PTCHD4: variants seen among roughly 807,000 people sequenced by gnomAD.
PTCHD4 encodes the protein patched domain-containing protein 4.
PTCHD4 carries 33 observed loss-of-function variants against 58.1 expected under a neutral mutation model. That is an observed-to-expected ratio of 0.57 (90% CI 0.43 to 0.76). The LOEUF (loss-of-function observed/expected upper bound fraction) is 0.76. Ranked by LOEUF, PTCHD4 falls within the 30% of genes least tolerant of loss-of-function variation. The probability of loss-of-function intolerance (pLI) is 0.00; values close to 1 mark genes in which losing one functional copy is unlikely to be tolerated. For missense variants in PTCHD4, 1,058 were observed against 1,027.1 expected (o/e 1.03, Z -0.41); for synonymous variants, 478 against 409.6 (o/e 1.17, Z -2.02).
chr6:48,007,237 C>T (rs1479172617), intron 4 of PTCHD4, among the ~76,000 whole-genome samples: 1 of 151,726 alleles, frequency 6.6e-6, no homozygotes, highest in African/African-American at 2.4e-5. Flanking sequence ...GAGACTCTGT[C>T]CCCCCAAAAA....
intron 4 of PTCHD4, among the ~76,000 whole-genome samples, chr6:47,931,025 T>C (rs1464097556): frequency 1.3e-5 from 2 of 152,218 alleles, no homozygotes; most frequent in African/African-American, 2.4e-5. Flanking sequence ...CCTCAGGTGA[T>C]CCACCCGCCT....
intron 3 of PTCHD4, among the ~76,000 whole-genome samples, chr6:48,052,421 A>G (rs1001338339): frequency 4.6e-5 from 7 of 152,004 alleles, no homozygotes; most frequent in Non-Finnish European, 8.8e-5. Context: ...CTTGTTTTAA[A>G]GAGAAATGAG....
intron 1 of PTCHD4, among the ~76,000 whole-genome samples, chr6:48,096,108 A>C (rs2113907128): frequency 6.6e-6 from 1 of 152,298 alleles, no homozygotes; most frequent in South Asian, 2.1e-4. Flanking sequence ...AGATAACCTA[A>C]ATTTTATAAT....
At chr6:48,047,329 C>A (rs189632060) in intron 3 of PTCHD4, among the ~76,000 whole-genome samples, 2 of 151,854 alleles carry the variant, frequency 1.3e-5, no homozygotes, top group East Asian at 1.9e-4. Flanking sequence ...GCTTTGATAA[C>A]CACAATGGTT....
At chr6:48,046,503 A>G (rs919707333) in intron 3 of PTCHD4, among the ~76,000 whole-genome samples, 11 of 151,958 alleles carry the variant, frequency 7.2e-5, no homozygotes, top group African/African-American at 2.6e-4. Context: ...ATTATTTTCT[A>G]CCTTTTAATG....
In PTCHD4 at chr6:48,057,718, G is replaced by T. The variant is rs557833034; in HGVS notation, c.417+10512C>A. Among the ~76,000 whole-genome samples the T allele has an allele frequency of 2.0e-5, 3 of 152,298 alleles. No homozygotes were observed. The East Asian group carries it at 5.8e-4, about 29-fold the overall frequency. ...GAAAGTTCAAGATGTGATTGTTTTT[G>T]TTTGTTGCAGCATTTGATGTAATGA... On this transcript the variant is annotated intron_variant, in intron 3 of 4. Transcript: ENST00000339488.
intron 1 of PTCHD4, among the ~76,000 whole-genome samples, chr6:48,093,604 T>C (rs973187014): frequency 6.6e-6 from 1 of 152,116 alleles, no homozygotes; most frequent in East Asian, 1.9e-4. Flanking sequence ...AGGTATAGGA[T>C]GGGAGAAATT....
intron 4 of PTCHD4, among the ~76,000 whole-genome samples, chr6:47,995,938 G>C (rs1379902205): frequency 6.6e-6 from 1 of 152,162 alleles, no homozygotes; most frequent in Non-Finnish European, 1.5e-5. Flanking sequence ...CTGTCGAATG[G>C]TAGAGGAATG....
At chr6:48,102,646 G>C (rs1466189845) in intron 1 of PTCHD4, among the ~76,000 whole-genome samples, 1 of 152,228 alleles carries the variant, frequency 6.6e-6, no homozygotes, top group Non-Finnish European at 1.5e-5. Flanking sequence ...CCATGCGTGA[G>C]CCGAAGCAGG....
rs186741159 is a variant in PTCHD4 at position 47,859,589 on chromosome 6, T to A, written c.*18714A>T. 1.2e-4 allele frequency among the ~76,000 whole-genome samples: 19 copies of A among 152,098 alleles called. No homozygotes were observed. Among genetic ancestry groups the A allele is most frequent in the African/African-American group, 4.6e-4 (19 of 41,530 alleles). On this transcript the variant is annotated 3_prime_UTR_variant, in exon 5 of 5. Coordinates refer to ENST00000339488, the MANE Select transcript of PTCHD4 (RefSeq NM_001384253.1). The stretch of plus-strand genomic sequence containing the variant: ...TCAAATATTTATTGAATGCCTAACA[T>A]GTGCCTGGCACCCTTCAGGGTACTG...
chr6:47,980,693 T>C (rs1489009080), intron 4 of PTCHD4, among the ~76,000 whole-genome samples: 1 of 151,958 alleles, frequency 6.6e-6, no homozygotes, highest in East Asian at 1.9e-4. Context: ...AAGTAATTAT[T>C]TTAAATGAAA....
chr6:47,957,231 G>C (rs1766898867), intron 4 of PTCHD4, among the ~76,000 whole-genome samples: 1 of 147,750 alleles, frequency 6.8e-6, no homozygotes, highest in Non-Finnish European at 1.5e-5. Context: ...AAAATTCAAA[G>C]AGTATGATGG....
At chr6:48,060,516 G>A (rs546042505) in intron 3 of PTCHD4, among the ~76,000 whole-genome samples, 10 of 152,046 alleles carry the variant, frequency 6.6e-5, no homozygotes, top group Admixed American at 1.3e-4. Context: ...TCCTTCTTTC[G>A]TCCAGGCTAT....
chr6:47,989,376 T>A (rs1045698620), intron 4 of PTCHD4, among the ~76,000 whole-genome samples: 2 of 152,160 alleles, frequency 1.3e-5, no homozygotes, highest in African/African-American at 4.8e-5. Context: ...GAAATTTGCA[T>A]AAGTTAATCA....
At chr6:48,048,535 A>G (rs332556) in intron 3 of PTCHD4, among the ~76,000 whole-genome samples, 131,512 of 151,878 alleles carry the variant, frequency 0.87, 56,915 homozygotes, top group Middle Eastern at 0.87. Context: ...TTAGCAAATA[A>G]CATTTTTTCT....
In PTCHD4 at chr6:47,967,595, T is replaced by C. The variant is rs554404465; in HGVS notation, c.898+41039A>G. Among the ~76,000 whole-genome samples the C allele has an allele frequency of 2.7e-3, 412 of 152,366 alleles. 2 individuals carry two copies. Among genetic ancestry groups the C allele is most frequent in the Non-Finnish European group, 2.8e-3 (193 of 68,034 alleles). ...CCAATATAAGGGTGTTTCATCTGCA[T>C]TGAAAAACTTGTTGTTTAGTGTAGC... On this transcript the variant is annotated intron_variant, in intron 4 of 4. Transcript: ENST00000339488.
At chr6:48,052,693 G>C (rs1764274900) in intron 3 of PTCHD4, among the ~76,000 whole-genome samples, 1 of 152,046 alleles carries the variant, frequency 6.6e-6, no homozygotes, top group East Asian at 1.9e-4. Context: ...ACTATGTAAA[G>C]TGCTTTTGCC....
Position 47,867,667 on chromosome 6 carries a change from A to C in PTCHD4, c.*10636T>G, listed in dbSNP as rs972426107. 6.6e-5 allele frequency among the ~76,000 whole-genome samples: 10 copies of C among 151,482 alleles called. No individual in the cohort carries two copies. The highest frequency in any genetic ancestry group is 1.2e-4 in the Non-Finnish European group (8 of 67,758). On this transcript the variant is annotated 3_prime_UTR_variant, in exon 5 of 5. Transcript: ENST00000339488. ...CTGCTTTCCTGCCCTTGTATATTTC[A>C]CTTTTTCTCCCTGACTGTTGAGCCC...
At chr6:47,942,561 C>G (rs1397296973) in intron 4 of PTCHD4, among the ~76,000 whole-genome samples, 1 of 152,176 alleles carries the variant, frequency 6.6e-6, no homozygotes, top group Non-Finnish European at 1.5e-5. Flanking sequence ...TAGGCACAGA[C>G]AGCTGAAAGT....
Sources: gnomAD v4.1 joint callset for allele counts (sites outside exome capture counted in the v4.1 genomes callset) on GRCh38, gnomAD v4.1.1 for gene constraint, MANE v1.5 for transcripts, NCBI Gene and HGNC (gene_info 2026-07-23, HGNC 2026-07-21) for gene names.